The following PCNX2 variants were observed in gnomAD, a reference collection of about 807,000 sequenced individuals.
PCNX2 encodes the protein pecanex 2.
PCNX2 carries 168 observed loss-of-function variants against 223.8 expected under a neutral mutation model. The observed-to-expected ratio is 0.75, with a 90% CI of 0.66 to 0.85. The LOEUF (loss-of-function observed/expected upper bound fraction) is 0.85. Among genes scored for constraint, PCNX2 ranks in the 40% least tolerant of loss-of-function variants. The pLI is 0.00. For synonymous variants in PCNX2, 1,006 were observed against 1,052.6 expected (o/e 0.96, Z 0.86); for missense variants, 2,507 against 2,675.5 (o/e 0.94, Z 1.39).
chr1:233,101,210 G>C (rs187184814), intron 21 of PCNX2, among the ~76,000 whole-genome samples: 1 of 152,330 alleles, frequency 6.6e-6, no homozygotes, highest in East Asian at 1.9e-4. Flanking sequence ...TTGAGGCATA[G>C]GTGGTGATAT....
chr1:233,013,614 G>T (rs1377245066), intron 28 of PCNX2, among the ~76,000 whole-genome samples: 1 of 152,110 alleles, frequency 6.6e-6, no homozygotes, highest in African/African-American at 2.4e-5. Flanking sequence ...AATATCAAAA[G>T]AACCTCTTTT....
intron 15 of PCNX2, among the ~76,000 whole-genome samples, chr1:233,187,294 A>G (rs1399492873): frequency 6.6e-6 from 1 of 152,154 alleles, no homozygotes; most frequent in Non-Finnish European, 1.5e-5. Context: ...TTACATACAG[A>G]AAAAAACAAG....
At chr1:233,227,089 A>T (rs989166728) in intron 10 of PCNX2, 137 bp downstream of exon 10, 1 of 1,021,026 alleles carries the variant, frequency 9.8e-7, no homozygotes, top group Non-Finnish European at 1.3e-6. Context: ...TTTTTGCTTT[A>T]ACTTTGGGTT....
At chr1:233,181,212 T>G (rs1679782339) in intron 15 of PCNX2, 2 of 151,384 alleles carry the variant, frequency 1.3e-5, no homozygotes, top group South Asian at 4.2e-4. Flanking sequence ...TTTTTTTTTT[T>G]TTTTTGAGCT....
intron 21 of PCNX2, chr1:233,134,723 T>C (rs1004462314): frequency 6.4e-6 from 3 of 466,624 alleles, no homozygotes; most frequent in African/African-American, 4.0e-5. Flanking sequence ...TTTTAAGATC[T>C]AGGGAAATCT....
chr1:233,280,323 A>C (rs1661128270), intron 1 of PCNX2, among the ~76,000 whole-genome samples: 1 of 146,900 alleles, frequency 6.8e-6, no homozygotes. Context: ...TTTTTGAGAC[A>C]AAGTCTCACT....
At chr1:233,135,669 C>T (rs76583749) in intron 20 of PCNX2, among the ~76,000 whole-genome samples, 3,042 of 152,258 alleles carry the variant, frequency 0.02, 40 homozygotes, top group East Asian at 0.051. Context: ...GAAAAGAATC[C>T]AATTCGAACA....
At chr1:233,170,333 T>C (rs1048225795) in intron 17 of PCNX2, among the ~76,000 whole-genome samples, 3 of 152,244 alleles carry the variant, frequency 2.0e-5, no homozygotes, top group Non-Finnish European at 4.4e-5. Context: ...TTACATTTTT[T>C]TTAGTCTGGT....
chr1:233,179,236 A>C, intron 15 of PCNX2, 61 bp from the exon 16 acceptor site: 3 of 1,528,272 alleles, frequency 2.0e-6, no homozygotes, highest in Non-Finnish European at 1.8e-6. Context: ...CAGGATCTCT[A>C]TCAGACATTT....
intron 10 of PCNX2, among the ~76,000 whole-genome samples, chr1:233,219,823 C>T (rs540279743): frequency 3.3e-5 from 5 of 152,162 alleles, no homozygotes; most frequent in African/African-American, 1.2e-4. Flanking sequence ...AGTTTACATC[C>T]GAGTTCACTC....
chr1:233,101,401 AG>A (rs1674479100), intron 21 of PCNX2, among the ~76,000 whole-genome samples: 1 of 152,184 alleles, frequency 6.6e-6, no homozygotes, highest in South Asian at 2.1e-4. Flanking sequence ...TGACAATATG[AG>A]ATAGAATTTT....
intron 33 of PCNX2, 117 bp downstream of exon 33, chr1:232,985,975 G>T: frequency 8.8e-7 from 1 of 1,139,392 alleles, no homozygotes; most frequent in South Asian, 1.3e-5. Context: ...GCCCCATAGA[G>T]AAGGGGATGG....
chr1:233,000,658 C>G lies in PCNX2; in HGVS notation c.5098-123G>C. 1 of 752,878 alleles carries G rather than the reference C, an allele frequency of 1.3e-6. No individual in the cohort carries two copies. The highest frequency in any genetic ancestry group is 2.2e-6 in the Non-Finnish European group (1 of 464,880). The allele number at this position is 752,878 out of a possible 1,614,324, so 46.6% of individuals were successfully genotyped here. On this transcript the variant is annotated intron_variant, in intron 29 of 33. Transcript: ENST00000258229. The surrounding 1 kb of genome is among the most constrained non-coding windows in gnomAD (Gnocchi z 4.6). Reference sequence around the variant, plus strand: ...AAGCTCTTTCCTCATCTTCCTCTCTCCTGTTCTTTTTCCAAATCCTGAGCT... The same window carrying G: ...AAGCTCTTTCCTCATCTTCCTCTCTGCTGTTCTTTTTCCAAATCCTGAGCT...
At chr1:233,050,194 A>C (rs1349512201) in intron 25 of PCNX2, among the ~76,000 whole-genome samples, 1 of 152,100 alleles carries the variant, frequency 6.6e-6, no homozygotes, top group African/African-American at 2.4e-5. Flanking sequence ...CTATGTAACA[A>C]ACCTGCATGT....
intron 19 of PCNX2, among the ~76,000 whole-genome samples, chr1:233,156,630 G>T (rs1678145042): frequency 6.6e-6 from 1 of 152,082 alleles, no homozygotes; most frequent in Admixed American, 6.6e-5. Context: ...ATTTTAAACA[G>T]ACGTGGGCTG....
chr1:233,180,160 C>G (rs996097090), intron 15 of PCNX2, among the ~76,000 whole-genome samples: 7 of 152,174 alleles, frequency 4.6e-5, no homozygotes, highest in Admixed American at 4.6e-4. Context: ...CACCAGGGAA[C>G]AAGCATTTCT....
the PCNX2 span, among the ~76,000 whole-genome samples, chr1:233,315,022 G>A: frequency 6.6e-6 from 1 of 152,116 alleles, no homozygotes; most frequent in South Asian, 2.1e-4. Context: ...GACCCTATAG[G>A]GTAACAACAA....
intron 19 of PCNX2, among the ~76,000 whole-genome samples, chr1:233,142,318 CTG>C (rs1308919949): frequency 2.0e-5 from 3 of 152,190 alleles, no homozygotes; most frequent in Non-Finnish European, 4.4e-5. Flanking sequence ...CTCCCAGCAA[CTG>C]TCTTTGACCT....
the PCNX2 span, among the ~76,000 whole-genome samples, chr1:233,315,525 AG>A: frequency 6.6e-6 from 1 of 152,204 alleles, no homozygotes; most frequent in Admixed American, 6.5e-5. Context: ...TAAAATCTCA[AG>A]GTCTCTAAAA....
Sources: gnomAD v4.1 joint callset for allele counts (sites outside exome capture counted in the v4.1 genomes callset) on GRCh38, gnomAD v4.1.1 for gene constraint, Gnocchi (gnomAD v3.1) non-coding constraint, MANE v1.5 for transcripts, NCBI Gene and HGNC (gene_info 2026-07-23, HGNC 2026-07-21) for gene names.